FRYL: variants seen among roughly 807,000 people sequenced by gnomAD.
FRYL encodes the protein protein furry homolog-like.
Under a neutral mutation model 351.2 loss-of-function variants are expected in FRYL, and 150 were observed. The ratio of observed to expected loss-of-function variants is 0.43; its 90% CI spans 0.37 to 0.49. The LOEUF is 0.49. Among genes scored for constraint, FRYL ranks in the 20% least tolerant of loss-of-function variants. The probability of loss-of-function intolerance (pLI) is 0.00; values close to 1 mark genes in which losing one functional copy is unlikely to be tolerated. For synonymous variants in FRYL, 1,153 were observed against 1,257.1 expected (o/e 0.92, Z 1.75); for missense variants, 3,036 against 3,619.3 (o/e 0.84, Z 4.13).
In FRYL at chr4:48,546,210, G is replaced by A. The variant is rs1200883709; in HGVS notation, c.5136C>T (p.Ser1712=). The change falls in exon 42 of 64, where the codon AGC becomes AGT. Residue 1712 remains serine, a synonymous_variant. Transcript: ENST00000358350. ...TGATACTAGAAGAGGTAGAACTTGAGCTAAGCCCTGAGTCAGTCATAGGGG... is the reference window on the plus strand; with the variant it reads ...TGATACTAGAAGAGGTAGAACTTGAACTAAGCCCTGAGTCAGTCATAGGGG... ...QPSPMTDSGL[S]SSSTSSSISL... is the part of the protein sequence containing the mutation. The A allele has an allele frequency of 6.2e-7, 1 of 1,613,690 alleles. No individual in the cohort carries two copies. Among genetic ancestry groups the A allele is most frequent in the East Asian group, 2.2e-5 (1 of 44,864 alleles).
chr4:48,592,114 A>ATATATATATATATATATT lies in FRYL; in HGVS notation c.1336-1285_1336-1284insAATATATATATATATATA, dbSNP rs1272210127. Among the ~76,000 whole-genome samples, 25 of 136,932 alleles carry ATATATATATATATATATT rather than the reference A, an allele frequency of 1.8e-4. 1 individual carries two copies. The highest frequency in any genetic ancestry group is 6.4e-4 in the African/African-American group (22 of 34,378). The allele number at this position is 136,932 out of a possible 152,430, so 89.8% of individuals were successfully genotyped here. A position where few individuals can be genotyped will look rare whatever the true frequency, so the allele number is the denominator to read the frequency against. ...TATATATATATATATATATATATAT[A>ATATATATATATATATATT]TTTTATCTAAGTAAGATTAAAAGTT... On this transcript the variant is annotated intron_variant, in intron 16 of 63. Coordinates refer to ENST00000358350, the MANE Select transcript of FRYL (RefSeq NM_015030.2).
chr4:48,574,849 T>TA (rs1739244884), intron 25 of FRYL, among the ~76,000 whole-genome samples: 5 of 152,224 alleles, frequency 3.3e-5, no homozygotes, highest in African/African-American at 1.2e-4. Flanking sequence ...AATATTTATA[T>TA]GGCATTTCAT....
chr4:48,509,404 C>T (rs1330587538), intron 59 of FRYL, among the ~76,000 whole-genome samples: 1 of 152,148 alleles, frequency 6.6e-6, no homozygotes, highest in Non-Finnish European at 1.5e-5. Context: ...GAGATACCAC[C>T]ACACACTTCA....
chr4:48,621,485 G>C (rs1421932395), intron 5 of FRYL, among the ~76,000 whole-genome samples: 3 of 152,138 alleles, frequency 2.0e-5, no homozygotes, highest in Non-Finnish European at 4.4e-5. Flanking sequence ...ACCATCAGCA[G>C]TCCCTAAGGT....
At chr4:48,565,221 C>T (rs1356689753) in intron 29 of FRYL, among the ~76,000 whole-genome samples, 178 bp from the exon 30 acceptor site, 1 of 151,602 alleles carries the variant, frequency 6.6e-6, no homozygotes, top group Non-Finnish European at 1.5e-5. Context: ...CCAAATTAGA[C>T]ATGGAGTTTG....
intron 18 of FRYL, among the ~76,000 whole-genome samples, chr4:48,589,377 A>AT (rs58252414): frequency 2.0e-5 from 3 of 146,716 alleles, no homozygotes; most frequent in Non-Finnish European, 3.0e-5. Context: ...GATTTTCAGG[A>AT]TTTTTTTTTT....
At chr4:48,753,549 T>G (rs1235578296) in intron 1 of FRYL, among the ~76,000 whole-genome samples, 2 of 152,210 alleles carry the variant, frequency 1.3e-5, no homozygotes, top group Admixed American at 6.5e-5. Context: ...TACAAGTCCC[T>G]TATTAGATAT....
chr4:48,601,554 T>C (rs80027723), intron 13 of FRYL, among the ~76,000 whole-genome samples: 234 of 152,266 alleles, frequency 1.5e-3, no homozygotes, highest in African/African-American at 5.6e-3. Context: ...AGCTTTTACA[T>C]CTGTGCAGAT....
At chr4:48,673,306 A>T (rs1435349119) in intron 3 of FRYL, among the ~76,000 whole-genome samples, 2 of 152,202 alleles carry the variant, frequency 1.3e-5, no homozygotes, top group African/African-American at 4.8e-5. Context: ...TCCTATTAAA[A>T]TATATCTTCA....
At chr4:48,681,522 T>TA (rs1406744512) in intron 3 of FRYL, among the ~76,000 whole-genome samples, 1 of 152,186 alleles carries the variant, frequency 6.6e-6, no homozygotes, top group African/African-American at 2.4e-5. Flanking sequence ...TAAATAAACT[T>TA]AGAGCTGACG....
intron 2 of FRYL, among the ~76,000 whole-genome samples, chr4:48,708,485 T>C (rs1451880174): frequency 6.6e-6 from 1 of 152,066 alleles, no homozygotes; most frequent in Non-Finnish European, 1.5e-5. Flanking sequence ...AAACACTGCG[T>C]ACTCATTTAC....
chr4:48,534,820 G>C, intron 48 of FRYL, 135 bp from the exon 49 acceptor site: 1 of 556,540 alleles, frequency 1.8e-6, no homozygotes, highest in East Asian at 3.0e-5. Context: ...GAAATCTAGA[G>C]ACTAATAAAG....
chr4:48,711,824 G>A (rs1768086756), intron 1 of FRYL, among the ~76,000 whole-genome samples: 1 of 152,150 alleles, frequency 6.6e-6, no homozygotes, highest in Non-Finnish European at 1.5e-5. Flanking sequence ...TGCCCAGTAG[G>A]GGCAGACTGA....
At chr4:48,554,900 C>T (rs1010459446) in intron 35 of FRYL, among the ~76,000 whole-genome samples, 3 of 152,292 alleles carry the variant, frequency 2.0e-5, no homozygotes, top group South Asian at 2.1e-4. Flanking sequence ...ACTGACTTCA[C>T]CATCAGATCT....
intron 33 of FRYL, among the ~76,000 whole-genome samples, chr4:48,558,046 C>T (rs1025248520): frequency 6.6e-5 from 10 of 152,172 alleles, no homozygotes; most frequent in Non-Finnish European, 1.2e-4. Flanking sequence ...TATGATCCAG[C>T]AACCCCACTT....
chr4:48,532,275 A>G (rs1442766253), intron 49 of FRYL, among the ~76,000 whole-genome samples: 1 of 152,240 alleles, frequency 6.6e-6, no homozygotes, highest in Non-Finnish European at 1.5e-5. Flanking sequence ...AGTTCATAAC[A>G]TCTTGCTATG....
chr4:48,690,411 T>C (rs1375816616), intron 2 of FRYL, among the ~76,000 whole-genome samples: 7 of 152,142 alleles, frequency 4.6e-5, no homozygotes, highest in African/African-American at 1.7e-4. Flanking sequence ...TGGCTTCATA[T>C]GGAGACTTTC....
chr4:48,775,502 C>G (rs911980112), intron 1 of FRYL, among the ~76,000 whole-genome samples: 6 of 152,248 alleles, frequency 3.9e-5, no homozygotes, highest in African/African-American at 1.4e-4. Flanking sequence ...CTTTGGAAAC[C>G]CTTTCTGCCC....
At chr4:48,522,832 T>A in intron 54 of FRYL, 69 bp downstream of exon 54, 1 of 1,124,320 alleles carries the variant, frequency 8.9e-7, no homozygotes, top group Admixed American at 1.7e-5. Context: ...CAAGAAATAA[T>A]CATTAAGAAG....
Sources: allele counts gnomAD v4.1 joint callset (sites outside exome capture counted in the v4.1 genomes callset), GRCh38; gene constraint gnomAD v4.1.1; transcripts MANE v1.5; gene names NCBI Gene and HGNC (gene_info 2026-07-23, HGNC 2026-07-21).